SEZ6L: variants seen among roughly 807,000 people sequenced by gnomAD.
The protein encoded by SEZ6L is seizure 6-like protein.
SEZ6L carries 37 observed loss-of-function variants against 106.2 expected under a neutral mutation model. The observed-to-expected ratio is 0.35, with a 90% CI of 0.27 to 0.46. The LOEUF (loss-of-function observed/expected upper bound fraction) is 0.46, where lower values mean the gene tolerates loss of function less well. Among genes scored for constraint, SEZ6L ranks in the 20% least tolerant of loss-of-function variants. SEZ6L has a pLI of 1.00. For missense variants in SEZ6L, 1,172 were observed against 1,332.8 expected, an observed-to-expected ratio of 0.88 and a Z score of 1.88; for synonymous variants, 541 against 570.4, an observed-to-expected ratio of 0.95 and a Z score of 0.73.
chr22:26,305,352 A>G (rs1024309095), intron 5 of SEZ6L, among the ~76,000 whole-genome samples: 10 of 152,200 alleles, frequency 6.6e-5, no homozygotes, highest in African/African-American at 2.4e-4. Context: ...AAAGTGTTTG[A>G]GCACGTTTTC....
At chr22:26,178,710 C>A (rs1345152564) in intron 1 of SEZ6L, among the ~76,000 whole-genome samples, 1 of 152,070 alleles carries the variant, frequency 6.6e-6, no homozygotes, top group Non-Finnish European at 1.5e-5. Context: ...CAAAGCCGTA[C>A]ACCATAATAA....
intron 9 of SEZ6L, among the ~76,000 whole-genome samples, chr22:26,325,960 T>A (rs1045846490): frequency 6.6e-6 from 1 of 151,222 alleles, no homozygotes; most frequent in African/African-American, 2.4e-5. Flanking sequence ...CACACATTGA[T>A]CCCTCTGAGC....
chr22:26,226,544 A>G (rs917148987), intron 1 of SEZ6L, among the ~76,000 whole-genome samples: 2 of 152,224 alleles, frequency 1.3e-5, no homozygotes, highest in South Asian at 2.1e-4. Flanking sequence ...CAGCTAGTAA[A>G]TACACCTTTG....
At chr22:26,233,351 G>A (rs894809285) in intron 1 of SEZ6L, among the ~76,000 whole-genome samples, 2 of 152,210 alleles carry the variant, frequency 1.3e-5, no homozygotes, top group African/African-American at 4.8e-5. Flanking sequence ...GGTGGAAGGT[G>A]GACATTTGTC....
At chr22:26,327,566 A>C (rs1055546469) in intron 9 of SEZ6L, among the ~76,000 whole-genome samples, 1 of 138,596 alleles carries the variant, frequency 7.2e-6, no homozygotes, top group Admixed American at 7.2e-5. Context: ...CACACACCCC[A>C]CACACACACC....
intron 1 of SEZ6L, among the ~76,000 whole-genome samples, chr22:26,183,178 T>C (rs564387666): frequency 1.3e-5 from 2 of 152,370 alleles, no homozygotes; most frequent in African/African-American, 4.8e-5. Flanking sequence ...TGAGGTCAGA[T>C]GGCTAAGCAG....
intron 15 of SEZ6L, 117 bp from the exon 16 acceptor site, chr22:26,377,556 C>T (rs2084269760): frequency 1.8e-5 from 14 of 790,332 alleles, no homozygotes; most frequent in Admixed American, 5.6e-5. Flanking sequence ...CACACATCCT[C>T]GTCGTCATTC....
chr22:26,198,988 A>G (rs1940757948), intron 1 of SEZ6L, among the ~76,000 whole-genome samples: 2 of 152,194 alleles, frequency 1.3e-5, no homozygotes, highest in African/African-American at 4.8e-5. Context: ...TAACTTGGAG[A>G]GACAACTGGA....
intron 1 of SEZ6L, among the ~76,000 whole-genome samples, chr22:26,225,302 C>A (rs2078603752): frequency 6.6e-6 from 1 of 152,210 alleles, no homozygotes. Context: ...TGGCTTGCCT[C>A]CCCCTAATCA....
At chr22:26,310,917 T>G (rs2081806805) in intron 7 of SEZ6L, 81 bp downstream of exon 7, 1 of 1,424,530 alleles carries the variant, frequency 7.0e-7, no homozygotes, top group Non-Finnish European at 9.6e-7. Context: ...GAGATAGAAA[T>G]CTGGGCTGCG....
At chr22:26,284,567 A>T (rs548149222) in intron 1 of SEZ6L, among the ~76,000 whole-genome samples, 39 of 130,908 alleles carry the variant, frequency 3.0e-4, no homozygotes, top group Non-Finnish European at 4.7e-4. Context: ...CTGAGATTGC[A>T]CCGCTGCACT....
At chr22:26,181,971 A>G (rs998880553) in intron 1 of SEZ6L, among the ~76,000 whole-genome samples, 2 of 152,140 alleles carry the variant, frequency 1.3e-5, no homozygotes, top group African/African-American at 4.8e-5. Context: ...CCCTACAATG[A>G]ATGCATTATT....
chr22:26,297,342 C>G (rs1188008977), intron 4 of SEZ6L, among the ~76,000 whole-genome samples: 1 of 152,126 alleles, frequency 6.6e-6, no homozygotes, highest in African/African-American at 2.4e-5. Context: ...ATTCATTAAA[C>G]AATGTCTTCT....
rs778344649 is a variant in SEZ6L, at chr22:26,373,438, A to G, written c.2795-13A>G. 6.2e-7 allele frequency: 1 copy of G among 1,600,180 alleles called. No individual in the cohort carries two copies. The highest frequency in any genetic ancestry group is 8.5e-7 in the Non-Finnish European group (1 of 1,175,630). On this transcript the variant is annotated splice_polypyrimidine_tract_variant and intron_variant, in intron 13 of 16. Transcript: ENST00000248933. ...ACTTTACATTGACCAATGCTTCCTG[A>G]TTTCTCTTTCAGTTAATCAAGACAG...
At chr22:26,243,416 GA>G in intron 1 of SEZ6L, among the ~76,000 whole-genome samples, 1 of 152,324 alleles carries the variant, frequency 6.6e-6, no homozygotes, top group East Asian at 1.9e-4. Flanking sequence ...AGAGCTGAGT[GA>G]ATGAGGACAT....
intron 11 of SEZ6L, among the ~76,000 whole-genome samples, chr22:26,349,973 A>C (rs2083218133): frequency 6.6e-6 from 1 of 152,108 alleles, no homozygotes; most frequent in African/African-American, 2.4e-5. Context: ...CACTACAGAG[A>C]AAGCAGTGAA....
At chr22:26,264,711 A>T (rs2080122041) in intron 1 of SEZ6L, among the ~76,000 whole-genome samples, 2 of 152,212 alleles carry the variant, frequency 1.3e-5, no homozygotes, top group African/African-American at 4.8e-5. Flanking sequence ...AAAAAGAAAA[A>T]GCAGGACCAT....
At chr22:26,304,376 GAAAGAAAGA>G (rs1483136776) in intron 5 of SEZ6L, among the ~76,000 whole-genome samples, 4 of 65,912 alleles carry the variant, frequency 6.1e-5, no homozygotes, top group East Asian at 7.9e-4. Flanking sequence ...AAAGAAGAAA[GAAAGAAAGA>G]AAGAAAGAAA....
intron 1 of SEZ6L, among the ~76,000 whole-genome samples, chr22:26,220,869 C>T (rs374786389): frequency 6.6e-6 from 1 of 150,468 alleles, no homozygotes; most frequent in East Asian, 2.0e-4. Context: ...AATGTGCTTA[C>T]ATCACACAAT....
Sources: allele counts gnomAD v4.1 joint callset (sites outside exome capture counted in the v4.1 genomes callset), GRCh38; gene constraint gnomAD v4.1.1; transcripts MANE v1.5; gene names NCBI Gene and HGNC (gene_info 2026-07-23, HGNC 2026-07-21).